The following KDM2B variants were observed in gnomAD, a reference collection of about 807,000 sequenced individuals.
The protein encoded by KDM2B is lysine-specific demethylase 2B.
In KDM2B, 26 loss-of-function variants were observed where a neutral mutation model predicts 150.0. The observed-to-expected ratio is 0.17, with a 90% CI of 0.13 to 0.24. KDM2B has a LOEUF of 0.24. Among genes scored for constraint, KDM2B ranks in the 10% least tolerant of loss-of-function variants. KDM2B has a pLI of 1.00. For missense variants in KDM2B, 1,265 were observed against 1,816.9 expected, an observed-to-expected ratio of 0.70 and a Z score of 5.52; for synonymous variants, 734 against 729.5, an observed-to-expected ratio of 1.01 and a Z score of -0.10.
In KDM2B at chr12:121,509,973, G is replaced by GCCT; in HGVS notation, c.1238_1240dup (p.Glu413dup). 2 of 1,604,762 alleles carry GCCT rather than the reference G, an allele frequency of 1.2e-6. No individual in the cohort carries two copies. The highest frequency in any genetic ancestry group is 2.2e-5 in the East Asian group (1 of 44,706). On this transcript the variant is annotated inframe_insertion, in exon 11 of 23. Coordinates refer to ENST00000377071, the MANE Select transcript of KDM2B (RefSeq NM_032590.5). The stretch of plus-strand genomic sequence containing the variant: ...CTCCTCCTGAGGCTGCTGATCACAG[G>GCCT]CCTCCTCCTCCATCTCCAGCCAGGA...
intron 11 of KDM2B, among the ~76,000 whole-genome samples, chr12:121,505,709 G>A (rs1455816906): frequency 1.3e-5 from 2 of 152,124 alleles, no homozygotes; most frequent in Admixed American, 6.5e-5. Context: ...CCGGGAGAGA[G>A]CCCATCTTTC....
rs1885403722 is a variant in KDM2B at position 121,509,606 on chromosome 12, C to A, written c.1608G>T (p.Glu536Asp). 6.2e-7 allele frequency: 1 copy of A among 1,613,732 alleles called. No homozygotes were observed. The highest frequency in any genetic ancestry group is 1.7e-5 in the Admixed American group (1 of 59,974). The change falls in exon 11 of 23, where the codon GAG becomes GAT. Residue 536 changes from glutamate to aspartate, a missense_variant. Coordinates refer to ENST00000377071, the MANE Select transcript of KDM2B (RefSeq NM_032590.5). ...GGAGTGCCTGGGGGTCCTCGATGCC[C>A]TCGGGGACACACTTCTTGTTCTCCG... ...SLPENKKCVP[E>D]GIEDPQALLE...
chr12:121,490,224 GCTC>G (rs1337396798), intron 12 of KDM2B, among the ~76,000 whole-genome samples: 1 of 152,156 alleles, frequency 6.6e-6, no homozygotes, highest in African/African-American at 2.4e-5. Flanking sequence ...TCCTCCTGTG[GCTC>G]CTGTGTGGCC....
chr12:121,530,088 C>T (rs1887522075), intron 8 of KDM2B, among the ~76,000 whole-genome samples: 2 of 151,584 alleles, frequency 1.3e-5, no homozygotes, highest in South Asian at 4.2e-4. Flanking sequence ...ATTAGCCAGG[C>T]ATGGTGGCGG....
intron 12 of KDM2B, among the ~76,000 whole-genome samples, chr12:121,491,430 G>A (rs909627412): frequency 6.6e-6 from 1 of 152,052 alleles, no homozygotes; most frequent in Non-Finnish European, 1.5e-5. Flanking sequence ...GGTGGACCTG[G>A]GGTATTCATT....
chr12:121,441,269 G>A (rs1874978196), intron 19 of KDM2B, 36 bp from the exon 20 acceptor site: 1 of 1,605,446 alleles, frequency 6.2e-7, no homozygotes, highest in Admixed American at 1.7e-5. Context: ...ATCGTCAGAG[G>A]TGGGGCTCCT....
intron 12 of KDM2B, among the ~76,000 whole-genome samples, chr12:121,475,182 CTGTG>C (rs60083867): frequency 0.29 from 40,530 of 139,498 alleles, 6,319 homozygotes; most frequent in Middle Eastern, 0.47. Context: ...ACACATGACT[CTGTG>C]TGTGTGTGTG....
Position 121,549,469 on chromosome 12 carries a change from A to G in KDM2B, c.567T>C (p.Arg189=). 6.3e-7 allele frequency: 1 copy of G among 1,599,630 alleles called. No individual in the cohort carries two copies. Among genetic ancestry groups the G allele is most frequent in the Non-Finnish European group, 8.6e-7 (1 of 1,169,142 alleles). ...SHTKLEHLVK[R]PTVVDLVDWV... ...TGGGCCCCGGACCTACCACAGTCGG[A>G]CGCTTGACCAAGTGCTCCAGCTTGG... is the stretch of plus-strand genomic sequence containing the variant. The change falls in exon 5 of 23, where the codon CGT becomes CGC. Residue 189 remains arginine (R), a synonymous_variant. Coordinates refer to ENST00000377071, the MANE Select transcript of KDM2B (RefSeq NM_032590.5). The surrounding 1 kb of genome is among the most constrained non-coding windows in gnomAD (Gnocchi z 4.4).
At chr12:121,434,950 T>G (rs1357702110) in intron 22 of KDM2B, among the ~76,000 whole-genome samples, 9 of 151,726 alleles carry the variant, frequency 5.9e-5, no homozygotes, top group African/African-American at 2.2e-4. Context: ...GAGCAAGACT[T>G]TGTGTTGAAA....
At chr12:121,459,421 C>A (rs1348362257) in intron 12 of KDM2B, among the ~76,000 whole-genome samples, 1 of 152,152 alleles carries the variant, frequency 6.6e-6, no homozygotes, top group Non-Finnish European at 1.5e-5. Context: ...AAATTATAAA[C>A]CTCTTAGAAG....
downstream of KDM2B, among the ~76,000 whole-genome samples, chr12:121,428,147 A>G (rs1463294097): frequency 2.0e-5 from 3 of 152,124 alleles, no homozygotes; most frequent in Non-Finnish European, 4.4e-5. Flanking sequence ...GATTGAGTCA[A>G]CAAGGGTCTG....
chr12:121,411,534 A>G, the KDM2B span, among the ~76,000 whole-genome samples: 1 of 152,224 alleles, frequency 6.6e-6, no homozygotes. Flanking sequence ...ACTATCCCTG[A>G]TACAAAGGTC....
chr12:121,431,559 A>G lies in KDM2B; in HGVS notation c.3830-1090T>C, dbSNP rs547343810. 2.6e-5 allele frequency among the ~76,000 whole-genome samples: 4 copies of G among 152,320 alleles called. No homozygotes were observed. The East Asian group carries it at 7.7e-4, about 29-fold the overall frequency. Reference sequence around the variant, plus strand: ...TACGAAGGGCAAACCGCAATCATGCATACAACATCTGTGCTATCTACATGT... The same window carrying G: ...TACGAAGGGCAAACCGCAATCATGCGTACAACATCTGTGCTATCTACATGT... On this transcript the variant is annotated intron_variant, in intron 22 of 22. Transcript: ENST00000377071.
At chr12:121,412,341 GC>G in the KDM2B span, among the ~76,000 whole-genome samples, 2 of 143,436 alleles carry the variant, frequency 1.4e-5, no homozygotes, top group South Asian at 4.6e-4. Flanking sequence ...CCGGGTTCAC[GC>G]CATTCTCCCA....
At position 121,462,865 on chromosome 12, in the gene KDM2B, G is replaced by A. The variant is rs569191548; in HGVS notation, c.1735-9521C>T. On this transcript the variant is annotated intron_variant, in intron 12 of 22. Coordinates refer to ENST00000377071, the MANE Select transcript of KDM2B (RefSeq NM_032590.5). The stretch of plus-strand genomic sequence containing the variant: ...CACCTGTAATGCCAGCACTTTGGGA[G>A]GCTGAGGCAGCAGATCGTTTGAGCC... Among the ~76,000 whole-genome samples the A allele has an allele frequency of 5.9e-5, 9 of 152,270 alleles. No homozygotes were observed. In the East Asian group the frequency reaches 1.4e-3, roughly 23 times the overall value.
intron 8 of KDM2B, among the ~76,000 whole-genome samples, chr12:121,527,653 CAAAAAAAAAAAAAA>C (rs58304715): frequency 1.7e-5 from 1 of 58,574 alleles, no homozygotes; most frequent in African/African-American, 8.3e-5. Flanking sequence ...GACTCCGTCT[CAAAAAAAAAAAAAA>C]AAAAAAAAAA....
In KDM2B at chr12:121,445,430, G is replaced by A. The variant is rs566853452; in HGVS notation, c.1960-12C>T. 21 of 1,581,616 alleles carry A rather than the reference G, an allele frequency of 1.3e-5. No individual in the cohort carries two copies. In the East Asian group the frequency reaches 4.8e-4, roughly 36 times the overall value. ...TGGGGCAGCACTGGCTGAGGAGCCA[G>A]GGAGAACAAGACAAGTCATCAGGGG... On this transcript the variant is annotated splice_polypyrimidine_tract_variant and intron_variant, in intron 13 of 22. Coordinates refer to ENST00000377071, the MANE Select transcript of KDM2B (RefSeq NM_032590.5).
intron 12 of KDM2B, among the ~76,000 whole-genome samples, chr12:121,478,750 C>T (rs141917794): frequency 3.3e-5 from 5 of 150,372 alleles, no homozygotes; most frequent in East Asian, 2.0e-4. Flanking sequence ...GGCAGTGGCA[C>T]GATCTCGGCT....
At chr12:121,573,623 C>T (rs569601676) in intron 4 of KDM2B, among the ~76,000 whole-genome samples, 7 of 147,270 alleles carry the variant, frequency 4.8e-5, no homozygotes, top group African/African-American at 1.8e-4. Flanking sequence ...CTCGCTCTGT[C>T]GCCCAGGCTG....
Sources: gnomAD v4.1 joint callset for allele counts (sites outside exome capture counted in the v4.1 genomes callset) on GRCh38, gnomAD v4.1.1 for gene constraint, Gnocchi (gnomAD v3.1) non-coding constraint, MANE v1.5 for transcripts, NCBI Gene and HGNC (gene_info 2026-07-23, HGNC 2026-07-21) for gene names.